Variants in KCNIP1 observed in about 807,000 individuals in gnomAD.
KCNIP1 encodes potassium voltage-gated channel interacting protein 1, also known as A-type potassium channel modulatory protein KCNIP1.
KCNIP1 carries 18 observed loss-of-function variants against 33.0 expected under a neutral mutation model. The ratio of observed to expected loss-of-function variants is 0.55; its 90% CI spans 0.38 to 0.81. The LOEUF (loss-of-function observed/expected upper bound fraction) is 0.81. KCNIP1 is among the 30% of genes least tolerant of loss of function. KCNIP1 has a pLI of 0.00. For missense variants in KCNIP1, 238 were observed against 271.6 expected (o/e 0.88, Z 0.87); for synonymous variants, 93 against 98.3 (o/e 0.95, Z 0.32).
At chr5:170,479,148 G>A (rs1207384103) in intron 1 of KCNIP1, among the ~76,000 whole-genome samples, 1 of 152,200 alleles carries the variant, frequency 6.6e-6, no homozygotes, top group African/African-American at 2.4e-5. Flanking sequence ...TGGAGGCGCT[G>A]AGCAGGTAAT....
intron 1 of KCNIP1, among the ~76,000 whole-genome samples, chr5:170,555,021 T>C (rs1287975613): frequency 6.6e-6 from 1 of 152,200 alleles, no homozygotes; most frequent in Non-Finnish European, 1.5e-5. Context: ...CCATATCTTA[T>C]TTTGACAAGC....
At chr5:170,706,381 C>A (rs1275221824) in intron 1 of KCNIP1, among the ~76,000 whole-genome samples, 1 of 152,174 alleles carries the variant, frequency 6.6e-6, no homozygotes, top group Non-Finnish European at 1.5e-5. Context: ...CACTTCATTT[C>A]AACAACTTCA....
At chr5:170,477,871 C>T (rs975266593) in intron 1 of KCNIP1, among the ~76,000 whole-genome samples, 3 of 152,214 alleles carry the variant, frequency 2.0e-5, no homozygotes, top group African/African-American at 7.2e-5. Flanking sequence ...GAATCCCACA[C>T]AGTCCTGTCC....
At chr5:170,635,632 G>C (rs1003184889) in intron 1 of KCNIP1, among the ~76,000 whole-genome samples, 3 of 152,224 alleles carry the variant, frequency 2.0e-5, no homozygotes, top group African/African-American at 7.2e-5. Context: ...GTCTCTATCA[G>C]CCTCCCTGCA....
intron 1 of KCNIP1, among the ~76,000 whole-genome samples, chr5:170,518,887 C>T (rs574719182): frequency 6.6e-5 from 10 of 152,140 alleles, no homozygotes; most frequent in Non-Finnish European, 1.5e-4. Context: ...CCTTGCTGTG[C>T]GGCAGGAATG....
intron 1 of KCNIP1, among the ~76,000 whole-genome samples, chr5:170,631,116 G>T (rs1034159719): frequency 6.6e-5 from 10 of 152,160 alleles, no homozygotes; most frequent in African/African-American, 2.4e-4. Context: ...TATGAATGGG[G>T]ACAATCACTC....
At chr5:170,375,361 A>C (rs1763960973) in intron 1 of KCNIP1, 1 of 152,256 alleles carries the variant, frequency 6.6e-6, no homozygotes, top group Admixed American at 6.5e-5. Flanking sequence ...AAGGTCCACC[A>C]GGTAAGAAAC....
intron 1 of KCNIP1, among the ~76,000 whole-genome samples, chr5:170,513,123 G>A (rs1329947808): frequency 6.6e-6 from 1 of 152,052 alleles, no homozygotes; most frequent in Non-Finnish European, 1.5e-5. Context: ...ATCACCAGAT[G>A]GTTTATATGC....
chr5:170,621,988 C>T (rs1315049246), intron 1 of KCNIP1, among the ~76,000 whole-genome samples: 2 of 152,174 alleles, frequency 1.3e-5, no homozygotes, highest in Non-Finnish European at 2.9e-5. Context: ...GTTCCCCTTG[C>T]AAGCAGCCGT....
intron 1 of KCNIP1, among the ~76,000 whole-genome samples, chr5:170,439,954 T>C (rs1368403358): frequency 6.6e-6 from 1 of 152,218 alleles, no homozygotes; most frequent in African/African-American, 2.4e-5. Context: ...GGCTGAGTTC[T>C]GTCTTCCCCA....
At chr5:170,561,232 CT>C (rs890037073) in intron 1 of KCNIP1, 2 of 406,618 alleles carry the variant, frequency 4.9e-6, no homozygotes, top group African/African-American at 4.1e-5. Context: ...AAAGTCCCCG[CT>C]CTGCTTGGCT....
chr5:170,407,626 A>T (rs1376781511), intron 1 of KCNIP1, among the ~76,000 whole-genome samples: 1 of 152,232 alleles, frequency 6.6e-6, no homozygotes, highest in Non-Finnish European at 1.5e-5. Flanking sequence ...TACAGTATTT[A>T]TAAATTTCAG....
chr5:170,420,730 G>A (rs1755464653), intron 1 of KCNIP1: 1 of 152,144 alleles, frequency 6.6e-6, no homozygotes, highest in Non-Finnish European at 1.5e-5. Context: ...ACATCGTTCA[G>A]GGTCAACTGT....
intron 1 of KCNIP1, among the ~76,000 whole-genome samples, chr5:170,532,284 T>C (rs1488093114): frequency 6.6e-6 from 1 of 152,200 alleles, no homozygotes; most frequent in Non-Finnish European, 1.5e-5. Flanking sequence ...TGCCAAGGGG[T>C]AGAAATGGAA....
chr5:170,501,770 A>C (rs7735363), upstream of KCNIP1, among the ~76,000 whole-genome samples: 129,950 of 152,254 alleles, frequency 0.85, 55,870 homozygotes, highest in East Asian at 0.99. Context: ...AGGGTGGCTT[A>C]ACTTTCTCCT....
At chr5:170,436,796 A>G (rs1358018701) in intron 1 of KCNIP1, among the ~76,000 whole-genome samples, 3 of 152,222 alleles carry the variant, frequency 2.0e-5, no homozygotes, top group Non-Finnish European at 4.4e-5. Context: ...CCAGCTGTTT[A>G]GAGCCCACAA....
At chr5:170,603,645 C>G (rs1164371169) in intron 1 of KCNIP1, among the ~76,000 whole-genome samples, 3 of 152,086 alleles carry the variant, frequency 2.0e-5, no homozygotes, top group Admixed American at 2.0e-4. Context: ...CAGTGGTGAC[C>G]AGCTAGCCAG....
chr5:170,583,246 T>G (rs760838022), intron 1 of KCNIP1, among the ~76,000 whole-genome samples: 1 of 152,256 alleles, frequency 6.6e-6, no homozygotes, highest in Admixed American at 6.5e-5. Context: ...ACCCTTCTCA[T>G]GACCACTAGC....
chr5:170,383,578 T>C, intron 1 of KCNIP1: 1 of 1,307,722 alleles, frequency 7.6e-7, no homozygotes, highest in Middle Eastern at 1.8e-4. Context: ...CCTGGTCAAG[T>C]GGGTTGATCT....
Sources: allele counts gnomAD v4.1 joint callset (sites outside exome capture counted in the v4.1 genomes callset), GRCh38; gene constraint gnomAD v4.1.1; transcripts MANE v1.5; gene names NCBI Gene and HGNC (gene_info 2026-07-23, HGNC 2026-07-21).